LY86: variants seen among roughly 807,000 people sequenced by gnomAD.
LY86 encodes MD-1, RP105-associated.
LY86 carries 20 observed loss-of-function variants against 17.3 expected under a neutral mutation model. The ratio of observed to expected loss-of-function variants is 1.15; its 90% CI spans 0.81 to 1.68. The LOEUF is 1.68. Among genes scored for constraint, LY86 ranks in the 40% most tolerant of loss-of-function variants. LY86 has a pLI of 0.00. For synonymous variants in LY86, 74 were observed against 70.6 expected (o/e 1.05, Z -0.24); for missense variants, 200 against 191.9 (o/e 1.04, Z -0.25).
At chr6:6,615,529 C>G (rs1448888969) in intron 1 of LY86, among the ~76,000 whole-genome samples, 4 of 152,108 alleles carry the variant, frequency 2.6e-5, no homozygotes, top group Non-Finnish European at 4.4e-5. Context: ...CAAGACCAGC[C>G]TGGCCAACAT....
chr6:6,592,035 T>TA (rs1760546183), intron 1 of LY86, among the ~76,000 whole-genome samples: 1 of 152,180 alleles, frequency 6.6e-6, no homozygotes, highest in Non-Finnish European at 1.5e-5. Context: ...CCTCGGGCAG[T>TA]AAGCAGGAGT....
intron 3 of LY86, among the ~76,000 whole-genome samples, chr6:6,640,375 T>C (rs909285346): frequency 6.7e-6 from 1 of 148,482 alleles, no homozygotes; most frequent in Non-Finnish European, 1.5e-5. Context: ...CTGGGCAACA[T>C]AGAGAAACCC....
chr6:6,595,379 G>A (rs540842507), intron 1 of LY86, among the ~76,000 whole-genome samples: 30 of 86,518 alleles, frequency 3.5e-4, no homozygotes, highest in African/African-American at 9.0e-4. Context: ...AAAGAAGAGA[G>A]GGGAGAAGAG....
intron 1 of LY86, among the ~76,000 whole-genome samples, chr6:6,612,528 C>T (rs113553855): frequency 2.0e-5 from 3 of 152,258 alleles, no homozygotes; most frequent in South Asian, 2.1e-4. Flanking sequence ...AAAGAACAAA[C>T]CAACCACACA....
chr6:6,595,116 AAG>A (rs1327709908), intron 1 of LY86, among the ~76,000 whole-genome samples: 2 of 151,422 alleles, frequency 1.3e-5, no homozygotes, highest in Admixed American at 6.6e-5. Context: ...GGAGATCAGG[AAG>A]AGAGGGAGGT....
At chr6:6,650,222 G>C (rs983310232) in intron 4 of LY86, among the ~76,000 whole-genome samples, 1 of 152,192 alleles carries the variant, frequency 6.6e-6, no homozygotes, top group African/African-American at 2.4e-5. Flanking sequence ...TCACAGCTAA[G>C]AGTAGAATTT....
chr6:6,652,904 C>T (rs1039003213), intron 4 of LY86, among the ~76,000 whole-genome samples: 6 of 152,040 alleles, frequency 3.9e-5, no homozygotes, highest in African/African-American at 1.4e-4. Flanking sequence ...TTGTGTTGTT[C>T]AATACATTTG....
chr6:6,602,124 T>C (rs1235116055), intron 1 of LY86, among the ~76,000 whole-genome samples: 1 of 152,206 alleles, frequency 6.6e-6, no homozygotes, highest in Non-Finnish European at 1.5e-5. Flanking sequence ...TTCAGTTCGA[T>C]TTTACCATCA....
intron 1 of LY86, among the ~76,000 whole-genome samples, chr6:6,612,296 T>C (rs571690314): frequency 3.0e-4 from 46 of 152,358 alleles, no homozygotes; most frequent in South Asian, 1.4e-3. Context: ...CGTGGGTTAG[T>C]GGCCTTGCTA....
chr6:6,595,464 G>A (rs1304706199), intron 1 of LY86, among the ~76,000 whole-genome samples: 1 of 151,788 alleles, frequency 6.6e-6, no homozygotes, highest in African/African-American at 2.4e-5. Flanking sequence ...AAGAGAGGGA[G>A]AGGAAAGGAG....
chr6:6,646,816 C>T (rs1762114376), intron 3 of LY86, among the ~76,000 whole-genome samples: 1 of 152,156 alleles, frequency 6.6e-6, no homozygotes, highest in South Asian at 2.1e-4. Context: ...AGTGAAACTC[C>T]AACCCAACCA....
chr6:6,632,918 C>T (rs1761914658), intron 3 of LY86, among the ~76,000 whole-genome samples: 1 of 152,184 alleles, frequency 6.6e-6, no homozygotes. Context: ...CAGCACCACA[C>T]ATGAGACACC....
chr6:6,591,781 A>G (rs567439173), intron 1 of LY86, among the ~76,000 whole-genome samples: 1 of 152,320 alleles, frequency 6.6e-6, no homozygotes, highest in East Asian at 1.9e-4. Context: ...CCCATGCTCT[A>G]AAACTCCCTG....
At chr6:6,603,557 T>A (rs1158218641) in intron 1 of LY86, among the ~76,000 whole-genome samples, 3 of 134,520 alleles carry the variant, frequency 2.2e-5, no homozygotes, top group Non-Finnish European at 4.6e-5. Context: ...AATGATGAGG[T>A]CTCCAGAAGC....
At chr6:6,611,990 T>C (rs1397403281) in intron 1 of LY86, among the ~76,000 whole-genome samples, 1 of 125,248 alleles carries the variant, frequency 8.0e-6, no homozygotes, top group Non-Finnish European at 1.8e-5. Context: ...CCCCCTTAAC[T>C]GAGTACTGAA....
rs77745867 is a variant in LY86 at position 6,630,890 on chromosome 6, A to G, written c.352+4469A>G. 0.013 allele frequency among the ~76,000 whole-genome samples: 2,053 copies of G among 152,326 alleles called. 168 individuals are homozygous for G. In the East Asian group the frequency reaches 0.24, roughly 18 times the overall value. On this transcript the variant is annotated intron_variant, in intron 3 of 4. Coordinates refer to ENST00000230568, the MANE Select transcript of LY86 (RefSeq NM_004271.4). The stretch of plus-strand genomic sequence containing the variant: ...TTTAGTCTTAGAAAAAGAATGTAAA[A>G]TATCTCTATCATTGTTCCACTGGTT...
chr6:6,631,189 G>C (rs1312099955), intron 3 of LY86, among the ~76,000 whole-genome samples: 1 of 152,168 alleles, frequency 6.6e-6, no homozygotes, highest in African/African-American at 2.4e-5. Flanking sequence ...CTCTAGGAGT[G>C]AGAGCCAAGC....
chr6:6,627,085 C>T lies in LY86; in HGVS notation c.352+664C>T, dbSNP rs375831458. On this transcript the variant is annotated intron_variant, in intron 3 of 4. Transcript: ENST00000230568. ...TCACCAAGGCCCTGAGATGCTTCCGCGGTGTGGTTAAAACCTGGCTCTATT... is the reference window on the plus strand; with the variant it reads ...TCACCAAGGCCCTGAGATGCTTCCGTGGTGTGGTTAAAACCTGGCTCTATT... Among the ~76,000 whole-genome samples the T allele has an allele frequency of 9.2e-5, 14 of 152,234 alleles. No individual in the cohort carries two copies. The South Asian group carries it at 2.9e-3, about 32-fold the overall frequency.
chr6:6,602,377 G>C (rs1760935738), intron 1 of LY86, among the ~76,000 whole-genome samples: 1 of 152,150 alleles, frequency 6.6e-6, no homozygotes, highest in Admixed American at 6.5e-5. Flanking sequence ...ACTAAAACAT[G>C]CATTTCCAAA....
Sources: allele counts gnomAD v4.1 joint callset (sites outside exome capture counted in the v4.1 genomes callset), GRCh38; gene constraint gnomAD v4.1.1; transcripts MANE v1.5; gene names NCBI Gene and HGNC (gene_info 2026-07-23, HGNC 2026-07-21).